The following SPATS2L variants were observed in gnomAD, a reference collection of about 807,000 sequenced individuals.
SPATS2L encodes spermatogenesis associated serine rich 2 like.
SPATS2L carries 30 observed loss-of-function variants against 59.6 expected under a neutral mutation model. The observed-to-expected ratio is 0.50, with a 90% CI of 0.38 to 0.68. The LOEUF (loss-of-function observed/expected upper bound fraction) is 0.68. Ranked by LOEUF, SPATS2L falls within the 30% of genes least tolerant of loss-of-function variation. The pLI, the probability that SPATS2L is intolerant of heterozygous loss-of-function variation, is 0.00. For missense variants in SPATS2L, 615 were observed against 700.0 expected (o/e 0.88, Z 1.37); for synonymous variants, 252 against 263.5 (o/e 0.96, Z 0.42).
chr2:200,333,801 C>G (rs888245706), intron 2 of SPATS2L, among the ~76,000 whole-genome samples: 4 of 152,102 alleles, frequency 2.6e-5, no homozygotes, highest in Non-Finnish European at 4.4e-5. Flanking sequence ...TGGATTCCAG[C>G]TTCATCCATG....
chr2:200,306,028 T>C, upstream of SPATS2L: 2 of 985,192 alleles, frequency 2.0e-6, no homozygotes, highest in South Asian at 4.7e-5. Flanking sequence ...ATGTGTAACT[T>C]GGTTATTACA....
chr2:200,308,888 G>T, intron 1 of SPATS2L: 1 of 594,170 alleles, frequency 1.7e-6, no homozygotes. Context: ...TTGTTTTAGG[G>T]AGCCCCCTAA....
At chr2:200,470,041 A>T (rs1172121577) in intron 11 of SPATS2L, 25 bp downstream of exon 11, 3 of 1,561,118 alleles carry the variant, frequency 1.9e-6, no homozygotes, top group Non-Finnish European at 2.6e-6. Context: ...TTTGCTGAAT[A>T]ATTCTGTGTG....
At chr2:200,335,246 T>G (rs2080102247) in intron 2 of SPATS2L, among the ~76,000 whole-genome samples, 1 of 152,072 alleles carries the variant, frequency 6.6e-6, no homozygotes, top group Non-Finnish European at 1.5e-5. Flanking sequence ...AACTTATTAC[T>G]GAAAGAATCG....
intron 2 of SPATS2L, among the ~76,000 whole-genome samples, chr2:200,359,747 A>G (rs1045180710): frequency 1.3e-5 from 2 of 152,148 alleles, no homozygotes; most frequent in African/African-American, 4.8e-5. Context: ...ACCTCCTTCC[A>G]GTTCATTTCA....
chr2:200,466,839 T>TTA (rs1381977564), intron 9 of SPATS2L, among the ~76,000 whole-genome samples: 1 of 152,214 alleles, frequency 6.6e-6, no homozygotes, highest in Non-Finnish European at 1.5e-5. Context: ...TGAGTATGTG[T>TTA]TAAAGTTCAA....
At chr2:200,458,013 TA>T (rs1237429682) in intron 8 of SPATS2L, among the ~76,000 whole-genome samples, 1 of 152,214 alleles carries the variant, frequency 6.6e-6, no homozygotes, top group Non-Finnish European at 1.5e-5. Flanking sequence ...AGTTTATAAT[TA>T]ATGTGTATAA....
intron 2 of SPATS2L, among the ~76,000 whole-genome samples, chr2:200,345,360 A>T (rs2080476480): frequency 6.6e-6 from 1 of 152,240 alleles, no homozygotes; most frequent in African/African-American, 2.4e-5. Flanking sequence ...AAACCTTATT[A>T]AAGTGACTGA....
intron 3 of SPATS2L, among the ~76,000 whole-genome samples, chr2:200,408,409 C>A (rs1189867057): frequency 6.6e-6 from 1 of 152,136 alleles, no homozygotes; most frequent in East Asian, 1.9e-4. Context: ...CTGCCTGGGA[C>A]TGAATTGCAG....
intron 2 of SPATS2L, among the ~76,000 whole-genome samples, chr2:200,350,189 G>A (rs1176380467): frequency 6.6e-6 from 1 of 152,112 alleles, no homozygotes; most frequent in Non-Finnish European, 1.5e-5. Flanking sequence ...GCCTTCCAGG[G>A]GTTCTTTGGT....
intron 1 of SPATS2L, among the ~76,000 whole-genome samples, chr2:200,314,385 C>T (rs972576853): frequency 2.0e-5 from 3 of 152,150 alleles, no homozygotes; most frequent in African/African-American, 7.2e-5. Flanking sequence ...GGCCCTCATC[C>T]CTTCTCTTGA....
chr2:200,479,412 C>G lies in SPATS2L; in HGVS notation c.*1381C>G, dbSNP rs1168131540. On this transcript the variant is annotated 3_prime_UTR_variant, in exon 13 of 13. Transcript: ENST00000409140. The stretch of plus-strand genomic sequence containing the variant: ...GTCTTGCATACCATTGCTGGTAGGC[C>G]TGTCTCTTAAACCAATCATGAAAGG... 1 of 397,292 alleles carries G rather than the reference C, an allele frequency of 2.5e-6. No homozygotes were observed. Among genetic ancestry groups the G allele is most frequent in the Non-Finnish European group, 4.4e-6 (1 of 225,856 alleles). 24.6% of individuals were successfully genotyped at this position (397,292 alleles called of 1,614,324 possible). A position where few individuals can be genotyped will look rare whatever the true frequency, so the allele number is the denominator to read the frequency against.
At chr2:200,431,309 A>G (rs982831018) in intron 6 of SPATS2L, among the ~76,000 whole-genome samples, 1 of 152,246 alleles carries the variant, frequency 6.6e-6, no homozygotes, top group Non-Finnish European at 1.5e-5. Flanking sequence ...ATCAATTACC[A>G]AAGAACTACC....
intron 6 of SPATS2L, among the ~76,000 whole-genome samples, chr2:200,421,050 G>T (rs13428321): frequency 0.12 from 17,606 of 152,122 alleles, 1,076 homozygotes; most frequent in African/African-American, 0.13. Context: ...TAGAATCAGT[G>T]GCGTTTTAAA....
At position 200,467,308 on chromosome 2, in the gene SPATS2L, G is replaced by A. The variant is rs1559159223; in HGVS notation, c.866G>A (p.Arg289His). 2 of 1,613,794 alleles carry A rather than the reference G, an allele frequency of 1.2e-6. No individual in the cohort carries two copies. The highest frequency in any genetic ancestry group is 1.7e-6 in the Non-Finnish European group (2 of 1,179,684). The change falls in exon 10 of 13, where the codon CGT becomes CAT. Residue 289 changes from arginine to histidine, a missense_variant. This residue lies in a region of SPATS2L where 104 missense variants were observed against 162.5 expected (regional missense o/e 0.64). Transcript: ENST00000409140. Reference protein sequence around the residue: ...KEEAMEILTARQKKAEELKRL... With the variant: ...KEEAMEILTAHQKKAEELKRL... ...TTGGCAGTGGAAATCCTGACTGCTC[G>A]TCAGAAGAAAGCAGAAGAACTAAAG...
chr2:200,464,695 G>A (rs1378620582), intron 9 of SPATS2L, among the ~76,000 whole-genome samples: 3 of 151,934 alleles, frequency 2.0e-5, no homozygotes, highest in Non-Finnish European at 4.4e-5. Flanking sequence ...GTCCAGGCAG[G>A]TCTTGAACTC....
At chr2:200,422,524 GAGTA>G (rs10573117) in intron 6 of SPATS2L, among the ~76,000 whole-genome samples, 143,830 of 144,224 alleles carry the variant, frequency 1, 71,721 homozygotes, top group Middle Eastern at 1. Context: ...ACAGCAGAGT[GAGTA>G]AGACTCCTCA....
At chr2:200,343,584 A>G (rs1285509106) in intron 2 of SPATS2L, among the ~76,000 whole-genome samples, 4 of 152,212 alleles carry the variant, frequency 2.6e-5, no homozygotes, top group Non-Finnish European at 4.4e-5. Flanking sequence ...TTTTATTTAT[A>G]GGAATTTGTG....
Position 200,321,840 on chromosome 2 carries a change from A to C in SPATS2L, c.-72-7591A>C, listed in dbSNP as rs191050836. 1.5e-4 allele frequency among the ~76,000 whole-genome samples: 23 copies of C among 152,314 alleles called. No individual in the cohort carries two copies. In the East Asian group the frequency reaches 4.2e-3, roughly 28 times the overall value. ...TAACTTTCACATCCCCTTTGAGGTA[A>C]GTCTGTTACGCCCATTTTTCAGATG... On this transcript the variant is annotated intron_variant, in intron 1 of 12. Transcript: ENST00000409140.
Sources: allele counts gnomAD v4.1 joint callset (sites outside exome capture counted in the v4.1 genomes callset), GRCh38; gene constraint gnomAD v4.1.1; regional missense constraint gnomAD v4.1.1; transcripts MANE v1.5; gene names NCBI Gene and HGNC (gene_info 2026-07-23, HGNC 2026-07-21).